CSMD1: variants seen among roughly 807,000 people sequenced by gnomAD.
CSMD1 encodes the protein CUB and Sushi multiple domains 1, also known as CUB and sushi domain-containing protein 1.
CSMD1 carries 213 observed loss-of-function variants against 417.5 expected under a neutral mutation model. The observed-to-expected ratio is 0.51, with a 90% CI of 0.46 to 0.57. The LOEUF is 0.57. Ranked by LOEUF, CSMD1 falls within the 20% of genes least tolerant of loss-of-function variation. The pLI is 0.00. For synonymous variants in CSMD1, 2,862 were observed against 1,736.8 expected, an observed-to-expected ratio of 1.65 and a Z score of -16.11; for missense variants, 6,923 against 4,529.7, an observed-to-expected ratio of 1.53 and a Z score of -15.17.
rs1037129027 is a variant in CSMD1 at position 4,879,833 on chromosome 8, T to C, written c.85+114499A>G. 5.9e-5 allele frequency among the ~76,000 whole-genome samples: 9 copies of C among 152,118 alleles called. No homozygotes were observed. In the East Asian group the frequency reaches 1.2e-3, roughly 20 times the overall value. On this transcript the variant is annotated intron_variant, in intron 1 of 69. Coordinates refer to ENST00000635120, the MANE Select transcript of CSMD1 (RefSeq NM_033225.6). ...TCTCAAAACATCATGTTGTGTAAGA[T>C]AAAAATATGCAATTTTTATTTGGCA...
At chr8:3,416,379 G>C (rs1022140806) in intron 12 of CSMD1, among the ~76,000 whole-genome samples, 1 of 149,334 alleles carries the variant, frequency 6.7e-6, no homozygotes, top group Admixed American at 6.7e-5. Flanking sequence ...ACAAATAACA[G>C]AGGACCAAAC....
At chr8:4,931,880 G>C (rs537012839) in intron 1 of CSMD1, among the ~76,000 whole-genome samples, 1 of 152,146 alleles carries the variant, frequency 6.6e-6, no homozygotes, top group Non-Finnish European at 1.5e-5. Context: ...TTTATTGATT[G>C]TTATATGGAG....
chr8:3,097,629 G>A (rs1815410399), intron 46 of CSMD1, among the ~76,000 whole-genome samples: 1 of 152,154 alleles, frequency 6.6e-6, no homozygotes, highest in Non-Finnish European at 1.5e-5. Flanking sequence ...GATGATGACA[G>A]ATTTCATCAG....
intron 8 of CSMD1, among the ~76,000 whole-genome samples, chr8:3,612,596 T>C (rs574377022): frequency 1.3e-5 from 2 of 152,260 alleles, no homozygotes; most frequent in South Asian, 4.1e-4. Context: ...GTTCAGATCC[T>C]TTAAAGCATA....
At chr8:3,846,145 C>A (rs923014711) in intron 5 of CSMD1, among the ~76,000 whole-genome samples, 1 of 152,034 alleles carries the variant, frequency 6.6e-6, no homozygotes, top group Non-Finnish European at 1.5e-5. Context: ...TGTTTATGAT[C>A]AGGATCAAGC....
At chr8:4,740,399 G>A (rs1169041456) in intron 1 of CSMD1, among the ~76,000 whole-genome samples, 3 of 152,110 alleles carry the variant, frequency 2.0e-5, no homozygotes, top group Non-Finnish European at 2.9e-5. Flanking sequence ...GGAAATAGCA[G>A]CCTCTATTTT....
At chr8:4,529,928 T>A (rs1040580568) in intron 2 of CSMD1, among the ~76,000 whole-genome samples, 3 of 151,778 alleles carry the variant, frequency 2.0e-5, no homozygotes, top group African/African-American at 7.3e-5. Flanking sequence ...TTTGTTTGTC[T>A]GTTTGAGACC....
At chr8:4,155,789 G>A (rs886480563) in intron 3 of CSMD1, among the ~76,000 whole-genome samples, 1 of 152,104 alleles carries the variant, frequency 6.6e-6, no homozygotes, top group African/African-American at 2.4e-5. Context: ...TGTGTATTAA[G>A]AGCCACAAAG....
rs141340177 is a variant in CSMD1 at position 4,708,135 on chromosome 8, T to C, written c.86-70577A>G. Among the ~76,000 whole-genome samples, 467 of 151,882 alleles carry C rather than the reference T, an allele frequency of 3.1e-3. 2 individuals are homozygous for C. Among genetic ancestry groups the C allele is most frequent in the African/African-American group, 0.011 (444 of 41,448 alleles). The stretch of plus-strand genomic sequence containing the variant: ...TTTTTTGTATTTTTTTTTATTTTTT[T>C]GTAGAGATGGAGTTTTGCTATGTCG... On this transcript the variant is annotated intron_variant, in intron 1 of 69. Coordinates refer to ENST00000635120, the MANE Select transcript of CSMD1 (RefSeq NM_033225.6).
intron 12 of CSMD1, among the ~76,000 whole-genome samples, chr8:3,457,140 G>A (rs753884433): frequency 6.7e-5 from 10 of 150,192 alleles, no homozygotes; most frequent in Non-Finnish European, 1.3e-4. Flanking sequence ...TCCCGTACTC[G>A]TCACTGAACA....
rs62502932 is a variant in CSMD1 at position 3,188,560 on chromosome 8, G to A, written c.5523+327C>T. On this transcript the variant is annotated intron_variant, in intron 35 of 69. Coordinates refer to ENST00000635120, the MANE Select transcript of CSMD1 (RefSeq NM_033225.6). ...GACATCAAGTGATCTTCCTGTCTTG[G>A]CTTCCCAAAGTGCTGGGACTACATG... Among the ~76,000 whole-genome samples, 6 of 151,572 alleles carry A rather than the reference G, an allele frequency of 4.0e-5. No individual in the cohort carries two copies. The South Asian group carries it at 1.2e-3, about 31-fold the overall frequency.
chr8:4,738,068 G>C (rs920043899), intron 1 of CSMD1, among the ~76,000 whole-genome samples: 42 of 152,132 alleles, frequency 2.8e-4, no homozygotes, highest in African/African-American at 8.0e-4. Context: ...ACAAAGATAA[G>C]ATTACATGCC....
chr8:3,572,856 T>A (rs1225824608), intron 10 of CSMD1, among the ~76,000 whole-genome samples: 1 of 152,192 alleles, frequency 6.6e-6, no homozygotes, highest in African/African-American at 2.4e-5. Flanking sequence ...ATTTCCTCTG[T>A]AAAGTTCTAC....
intron 5 of CSMD1, among the ~76,000 whole-genome samples, chr8:3,954,184 G>A (rs2627508): frequency 0.11 from 17,214 of 152,196 alleles, 1,061 homozygotes; most frequent in Middle Eastern, 0.16. Context: ...ATCCTCAGAA[G>A]AAGGAATTTG....
At chr8:2,988,386 C>T (rs1340492426) in intron 54 of CSMD1, among the ~76,000 whole-genome samples, 1 of 152,080 alleles carries the variant, frequency 6.6e-6, no homozygotes, top group Admixed American at 6.5e-5. Context: ...TGTTTGCATG[C>T]AATACACAAA....
rs543659933 is a variant in CSMD1 at position 3,106,762 on chromosome 8, T to A, written c.6836-121A>T. On this transcript the variant is annotated intron_variant, in intron 45 of 69. Transcript: ENST00000635120. ...AACTTGCAAATCTTTTTAGAAACTA[T>A]GTCTGTATTTATTTTTAGTCTTTTA... 941 of 542,870 alleles carry A rather than the reference T, an allele frequency of 1.7e-3. 3 individuals are homozygous for A. Among genetic ancestry groups the A allele is most frequent in the Admixed American group, 3.0e-3 (88 of 29,008 alleles). 33.6% of individuals were successfully genotyped at this position (542,870 alleles called of 1,614,324 possible).
intron 4 of CSMD1, among the ~76,000 whole-genome samples, chr8:4,017,174 A>G (rs1796563872): frequency 6.6e-6 from 1 of 152,210 alleles, no homozygotes; most frequent in African/African-American, 2.4e-5. Context: ...GTGTATGTTG[A>G]AGCTTCCTTC....
At chr8:4,477,760 A>G (rs1244499929) in intron 2 of CSMD1, among the ~76,000 whole-genome samples, 1 of 152,150 alleles carries the variant, frequency 6.6e-6, no homozygotes, top group Non-Finnish European at 1.5e-5. Context: ...TCTTACTCAC[A>G]ATACTGTATT....
chr8:4,352,733 A>G (rs1052915627), intron 3 of CSMD1, among the ~76,000 whole-genome samples: 1 of 152,232 alleles, frequency 6.6e-6, no homozygotes, highest in Non-Finnish European at 1.5e-5. Flanking sequence ...CTCTGTTCTG[A>G]GATTTAAGAG....
Sources: allele counts gnomAD v4.1 joint callset (sites outside exome capture counted in the v4.1 genomes callset), GRCh38; gene constraint gnomAD v4.1.1; transcripts MANE v1.5; gene names NCBI Gene and HGNC (gene_info 2026-07-23, HGNC 2026-07-21).